Variants in DMD observed in about 807,000 individuals in gnomAD.
DMD encodes the protein dystrophin.
DMD carries 63 observed loss-of-function variants against 330.1 expected under a neutral mutation model. The ratio of observed to expected loss-of-function variants is 0.19; its 90% confidence interval spans 0.16 to 0.24. The LOEUF is 0.24. DMD is among the 10% of genes least tolerant of loss of function. The probability of loss-of-function intolerance (pLI) is 1.00; values close to 1 mark genes in which losing one functional copy is unlikely to be tolerated. For missense variants in DMD, 3,344 were observed against 2,684.1 expected (o/e 1.25, Z -5.43); for synonymous variants, 1,223 against 959.8 (o/e 1.27, Z -5.07).
At chrX:33,093,502 C>G (rs1177454555) in intron 1 of DMD, among the ~76,000 whole-genome samples, 4 of 111,891 alleles carry the variant, frequency 3.6e-5, no homozygotes, top group African/African-American at 1.3e-4. Flanking sequence ...ACTAAAACAT[C>G]AGGCCTTAAA....
At chrX:32,744,601 C>G (rs749448615) in intron 7 of DMD, among the ~76,000 whole-genome samples, 1 of 111,278 alleles carries the variant, frequency 9.0e-6, no homozygotes, top group South Asian at 3.8e-4. Context: ...TCCCTCCAAA[C>G]CTCGTTATTT....
intron 76 of DMD, among the ~76,000 whole-genome samples, chrX:31,142,396 TA>T (rs963145998): frequency 8.9e-6 from 1 of 111,792 alleles, no homozygotes; most frequent in African/African-American, 3.2e-5. Context: ...ATACAGTATA[TA>T]AAAATATGTT....
intron 18 of DMD, 75 bp from the exon 19 acceptor site, chrX:32,501,917 G>A (rs762519051): frequency 3.7e-5 from 28 of 755,973 alleles, no homozygotes; most frequent in Non-Finnish European, 4.8e-5. Context: ...ACTTCTACTT[G>A]CCCTTTCAAG....
chrX:32,812,368 C>A (rs1357926231), intron 6 of DMD, among the ~76,000 whole-genome samples: 2 of 112,368 alleles, frequency 1.8e-5, no homozygotes, highest in Non-Finnish European at 3.8e-5. Context: ...CGCAGTGGCT[C>A]CCGCCTATAC....
chrX:32,211,917 T>G (rs995358787), intron 44 of DMD, among the ~76,000 whole-genome samples: 17 of 112,103 alleles, frequency 1.5e-4, no homozygotes, highest in African/African-American at 5.5e-4. Flanking sequence ...TCCATCTCAT[T>G]CTATCATAGC....
At chrX:31,688,209 G>C (rs1052225417) in intron 52 of DMD, among the ~76,000 whole-genome samples, 2 of 110,744 alleles carry the variant, frequency 1.8e-5, no homozygotes, top group African/African-American at 6.6e-5. Flanking sequence ...CAACAGAATT[G>C]ATAGACCGCT....
intron 21 of DMD, among the ~76,000 whole-genome samples, chrX:32,481,855 T>C (rs2148556561): frequency 8.9e-6 from 1 of 112,132 alleles, no homozygotes; most frequent in Admixed American, 9.5e-5. Flanking sequence ...TATTACCTAG[T>C]GCCCAGCACT....
chrX:32,103,345 A>C lies in DMD; in HGVS notation c.6438+113571T>G, dbSNP rs923850114. Among the ~76,000 whole-genome samples the C allele has an allele frequency of 3.5e-4, 39 of 112,073 alleles. 1 individual carries two copies. Among genetic ancestry groups the C allele is most frequent in the African/African-American group, 1.3e-3 (39 of 30,825 alleles). ...GGATATAAAGTAGAAAGAAATATTA[A>C]ATATCAAGTGTTATTCCAACCATTA... On this transcript the variant is annotated intron_variant, in intron 44 of 78. Transcript: ENST00000357033.
intron 43 of DMD, among the ~76,000 whole-genome samples, chrX:32,276,637 C>T (rs5927954): frequency 0.34 from 37,709 of 110,572 alleles, 5,026 homozygotes; most frequent in Middle Eastern, 0.43. Context: ...TACAGTGTCT[C>T]GACCAGGCAT....
intron 62 of DMD, among the ~76,000 whole-genome samples, chrX:31,295,387 G>A (rs62588872): frequency 0.1 from 11,283 of 109,490 alleles, 541 homozygotes; most frequent in Non-Finnish European, 0.14. Flanking sequence ...CATACCATAC[G>A]ATTCGCCCAT....
chrX:31,735,747 C>A (rs1218219851), intron 51 of DMD, among the ~76,000 whole-genome samples: 1 of 111,729 alleles, frequency 9.0e-6, no homozygotes, highest in African/African-American at 3.3e-5. Flanking sequence ...CACCAGGAAT[C>A]CTTAACAGAT....
At chrX:32,792,925 A>T (rs1316977006) in intron 7 of DMD, among the ~76,000 whole-genome samples, 1 of 111,957 alleles carries the variant, frequency 8.9e-6, no homozygotes, top group Non-Finnish European at 1.9e-5. Context: ...ACAAAGAAAC[A>T]TTGGCTTGAA....
intron 55 of DMD, among the ~76,000 whole-genome samples, chrX:31,546,266 G>C (rs1419046280): frequency 1.8e-5 from 2 of 112,456 alleles, no homozygotes; most frequent in Non-Finnish European, 3.8e-5. Context: ...GTGGGCGTCA[G>C]CAGAGCTGCC....
At chrX:33,150,765 C>G (rs1178451976) in intron 1 of DMD, among the ~76,000 whole-genome samples, 2 of 109,520 alleles carry the variant, frequency 1.8e-5, no homozygotes, top group Non-Finnish European at 3.8e-5. Flanking sequence ...ATGCTCTTTT[C>G]CAGGCCCTAG....
chrX:32,579,416 C>A (rs1304532063), intron 13 of DMD, among the ~76,000 whole-genome samples: 2 of 111,957 alleles, frequency 1.8e-5, no homozygotes, highest in Admixed American at 9.5e-5. Flanking sequence ...TCTGAGGTCA[C>A]AGAAGCCACA....
intron 52 of DMD, among the ~76,000 whole-genome samples, chrX:31,719,779 A>T (rs933532405): frequency 9.0e-6 from 1 of 111,429 alleles, no homozygotes; most frequent in African/African-American, 3.3e-5. Flanking sequence ...CCACCACATC[A>T]TAAGAACACT....
At chrX:32,177,304 A>G (rs1316820217) in intron 44 of DMD, among the ~76,000 whole-genome samples, 3 of 112,069 alleles carry the variant, frequency 2.7e-5, no homozygotes, top group Non-Finnish European at 3.8e-5. Context: ...CACGTGACAA[A>G]GCCCTTCTGG....
At chrX:33,032,205 A>G (rs953860116) in intron 1 of DMD, among the ~76,000 whole-genome samples, 4 of 111,866 alleles carry the variant, frequency 3.6e-5, no homozygotes, top group Admixed American at 2.8e-4. Flanking sequence ...TAAGAATCAT[A>G]AAGTGTTTTC....
At chrX:31,132,710 C>A (rs1326669541) in intron 77 of DMD, among the ~76,000 whole-genome samples, 1 of 110,890 alleles carries the variant, frequency 9.0e-6, no homozygotes, top group African/African-American at 3.3e-5. Context: ...TCCACTGGTA[C>A]GTAGTAGGTG....
Sources: allele counts gnomAD v4.1 joint callset (sites outside exome capture counted in the v4.1 genomes callset), GRCh38; gene constraint gnomAD v4.1.1; transcripts MANE v1.5; gene names NCBI Gene and HGNC (gene_info 2026-07-23, HGNC 2026-07-21).